Variants in JAKMIP1 observed in about 807,000 individuals in gnomAD.
JAKMIP1 encodes janus kinase and microtubule interacting protein 1, also known as janus kinase and microtubule-interacting protein 1.
Under a neutral mutation model 113.0 loss-of-function variants are expected in JAKMIP1, and 33 were observed. The observed-to-expected ratio is 0.29, with a 90% CI of 0.22 to 0.39. The LOEUF (loss-of-function observed/expected upper bound fraction) is 0.39, where lower values mean the gene tolerates loss of function less well. JAKMIP1 is among the 10% of genes least tolerant of loss of function. The pLI is 1.00. For missense variants in JAKMIP1, 813 were observed against 1,080.5 expected, an observed-to-expected ratio of 0.75 and a Z score of 3.47; for synonymous variants, 480 against 459.9, an observed-to-expected ratio of 1.04 and a Z score of -0.56.
Position 6,167,912 on chromosome 4 carries a change from G to A in JAKMIP1, c.-148+32341C>T, listed in dbSNP as rs996915405. The stretch of plus-strand genomic sequence containing the variant: ...CCAGTCAGGCTGACTGCGCCAGATC[G>A]CTGCACCAGTGAGACTTTGTCTCCC... On this transcript the variant is annotated intron_variant, in intron 1 of 20. Coordinates refer to ENST00000409021, the MANE Select transcript of JAKMIP1 (RefSeq NM_001099433.2). This position sits in a 1 kb window ranked among gnomAD's most constrained non-coding sequence, Gnocchi z 5.3. Among the ~76,000 whole-genome samples, 7 of 152,198 alleles carry A rather than the reference G, an allele frequency of 4.6e-5. No homozygotes were observed. Among genetic ancestry groups the A allele is most frequent in the Non-Finnish European group, 1.0e-4 (7 of 68,040 alleles).
Position 6,088,170 on chromosome 4 carries a change from C to T in JAKMIP1, c.625-2541G>A, listed in dbSNP as rs1021066720. On this transcript the variant is annotated intron_variant, in intron 3 of 20. Coordinates refer to ENST00000409021, the MANE Select transcript of JAKMIP1 (RefSeq NM_001099433.2). The surrounding 1 kb of genome is among the most constrained non-coding windows in gnomAD (Gnocchi z 5.5). ...ATTAGAGAGCAAAAGAGACCAGCCGCCCTGCCCTAGGGGCTTCTATTCTGC... is the reference window on the plus strand; with the variant it reads ...ATTAGAGAGCAAAAGAGACCAGCCGTCCTGCCCTAGGGGCTTCTATTCTGC... Among the ~76,000 whole-genome samples the T allele has an allele frequency of 6.6e-6, 1 of 152,212 alleles. No individual in the cohort carries two copies. Among genetic ancestry groups the T allele is most frequent in the African/African-American group, 2.4e-5 (1 of 41,450 alleles).
intron 3 of JAKMIP1, among the ~76,000 whole-genome samples, chr4:6,100,352 C>G (rs982203281): frequency 6.6e-6 from 1 of 152,176 alleles, no homozygotes; most frequent in African/African-American, 2.4e-5. Context: ...TTGTGTCTAG[C>G]TTCTATCATT....
rs1723739371 is a variant in JAKMIP1, at chr4:6,167,129, C to T, written c.-148+33124G>A. On this transcript the variant is annotated intron_variant, in intron 1 of 20. Coordinates refer to ENST00000409021, the MANE Select transcript of JAKMIP1 (RefSeq NM_001099433.2). This position sits in a 1 kb window ranked among gnomAD's most constrained non-coding sequence, Gnocchi z 5.3. ...TATTATTAAAATTCTTGAAATCCAT[C>T]GTCTTCCCCTAGACCTGCTCCTCCT... Among the ~76,000 whole-genome samples the T allele has an allele frequency of 2.0e-5, 3 of 152,116 alleles. No individual in the cohort carries two copies. Among genetic ancestry groups the T allele is most frequent in the East Asian group, 1.9e-4 (1 of 5,196 alleles).
chr4:6,148,651 G>A (rs1020899162), intron 1 of JAKMIP1, among the ~76,000 whole-genome samples: 1 of 152,246 alleles, frequency 6.6e-6, no homozygotes, highest in African/African-American at 2.4e-5. Flanking sequence ...GAGGATGCAG[G>A]CTGAGCCTGC....
At chr4:6,054,456 A>C (rs1169497589) in intron 12 of JAKMIP1, among the ~76,000 whole-genome samples, 1 of 152,230 alleles carries the variant, frequency 6.6e-6, no homozygotes, top group African/African-American at 2.4e-5. Flanking sequence ...AGACTGAGGC[A>C]TGAAGCTATG....
intron 1 of JAKMIP1, among the ~76,000 whole-genome samples, chr4:6,160,223 T>C (rs1295942120): frequency 6.6e-6 from 1 of 152,120 alleles, no homozygotes; most frequent in Non-Finnish European, 1.5e-5. Flanking sequence ...CAGGTGAAAG[T>C]CAAAATGTCA....
intron 1 of JAKMIP1, among the ~76,000 whole-genome samples, chr4:6,149,925 C>G (rs999774981): frequency 1.3e-5 from 2 of 152,188 alleles, no homozygotes; most frequent in Non-Finnish European, 2.9e-5. Context: ...CACCCTCCAG[C>G]TGGGCTTCTC....
In JAKMIP1 at chr4:6,194,184, G is replaced by A. The variant is rs566681149; in HGVS notation, c.-148+6069C>T. ...TGCCCATGGGCACAGGGTTTGTTCC[G>A]GAGGGAGGAAAATGTTTTGCAGCTA... On this transcript the variant is annotated intron_variant, in intron 1 of 20. Coordinates refer to ENST00000409021, the MANE Select transcript of JAKMIP1 (RefSeq NM_001099433.2). This position sits in a 1 kb window ranked among gnomAD's most constrained non-coding sequence, Gnocchi z 7.4. 7.9e-5 allele frequency among the ~76,000 whole-genome samples: 12 copies of A among 152,168 alleles called. No homozygotes were observed. Among genetic ancestry groups the A allele is most frequent in the African/African-American group, 2.4e-4 (10 of 41,520 alleles).
chr4:6,085,270 C>G, intron 4 of JAKMIP1, 150 bp downstream of exon 4: 1 of 797,628 alleles, frequency 1.3e-6, no homozygotes, highest in Non-Finnish European at 1.9e-6. Context: ...GCGTCCAGCA[C>G]AAAGAACTTA....
chr4:6,074,769 G>A (rs548180746), intron 8 of JAKMIP1, among the ~76,000 whole-genome samples: 11 of 152,276 alleles, frequency 7.2e-5, no homozygotes, highest in African/African-American at 1.7e-4. Flanking sequence ...ATACAACAAC[G>A]GTCCCATAAG....
rs373957051 is a variant in JAKMIP1 at position 6,196,687 on chromosome 4, T to G, written c.-148+3566A>C. 8.5e-5 allele frequency among the ~76,000 whole-genome samples: 13 copies of G among 152,194 alleles called. No homozygotes were observed. In the East Asian group the frequency reaches 1.9e-3, roughly 23 times the overall value. Reference sequence around the variant, plus strand: ...CAGCCTGGTTAACATGGTGAAACCCTGTCTCTACTAAAAATACAAAAAAAT... The same window carrying G: ...CAGCCTGGTTAACATGGTGAAACCCGGTCTCTACTAAAAATACAAAAAAAT... On this transcript the variant is annotated intron_variant, in intron 1 of 20. Transcript: ENST00000409021.
rs1717279804 is a variant in JAKMIP1, at chr4:6,061,518, CAG to C, written c.1560+792_1560+793del. ...TCCATCCATTTGTGGAATTCCCAAA[CAG>C]GGCTCTGAGAAAGAGCACAGGCCCT... On this transcript the variant is annotated intron_variant, in intron 10 of 20. Coordinates refer to ENST00000409021, the MANE Select transcript of JAKMIP1 (RefSeq NM_001099433.2). The surrounding 1 kb of genome is among the most constrained non-coding windows in gnomAD (Gnocchi z 5.3). Among the ~76,000 whole-genome samples the C allele has an allele frequency of 6.6e-6, 1 of 152,264 alleles. No homozygotes were observed. The highest frequency in any genetic ancestry group is 1.5e-5 in the Non-Finnish European group (1 of 68,052).
rs111985685 is a variant in JAKMIP1, at chr4:6,067,821, C to T, written c.1303-2813G>A. On this transcript the variant is annotated intron_variant, in intron 8 of 20. Transcript: ENST00000409021. This position sits in a 1 kb window ranked among gnomAD's most constrained non-coding sequence, Gnocchi z 4.6. ...ACGCAGGTCACCCCCCTGAGCTCCA[C>T]GTTCACTCAAGCTCTTCTGCACACG... is the stretch of plus-strand genomic sequence containing the variant. Among the ~76,000 whole-genome samples the T allele has an allele frequency of 7.4e-6, 1 of 134,488 alleles. No homozygotes were observed. Among genetic ancestry groups the T allele is most frequent in the Non-Finnish European group, 1.6e-5 (1 of 61,872 alleles). 88.2% of individuals were successfully genotyped at this position (134,488 alleles called of 152,430 possible). A position where few individuals can be genotyped will look rare whatever the true frequency, so the allele number is the denominator to read the frequency against.
At chr4:6,195,187 T>C (rs1321683118) in intron 1 of JAKMIP1, among the ~76,000 whole-genome samples, 1 of 152,212 alleles carries the variant, frequency 6.6e-6, no homozygotes, top group Non-Finnish European at 1.5e-5. Context: ...AACATAAGTC[T>C]GATGTCAAAG....
intron 2 of JAKMIP1, among the ~76,000 whole-genome samples, chr4:6,107,008 T>A (rs867684184): frequency 6.6e-5 from 10 of 152,234 alleles, no homozygotes; most frequent in Admixed American, 3.3e-4. Context: ...AATCCTTACT[T>A]AAAACAGCAG....
Position 6,105,791 on chromosome 4 carries a change from G to A in JAKMIP1, c.306C>T (p.Thr102=), listed in dbSNP as rs753031135. ...GCAGCTCGCCCTCCTTGATCTTGGC[G>A]GTGCGCGCCGCCTCCTGCTCGTGCT... ...IRQHEQEAAR[T]AKIKEGELQR... is the part of the protein sequence containing the mutation. The change falls in exon 3 of 21, where the codon ACC becomes ACT. Residue 102 remains threonine (T), a synonymous_variant. Coordinates refer to ENST00000409021, the MANE Select transcript of JAKMIP1 (RefSeq NM_001099433.2). The A allele has an allele frequency of 1.3e-5, 21 of 1,607,758 alleles. 1 individual carries two copies. The East Asian group carries it at 1.3e-4, about 10-fold the overall frequency.
intron 1 of JAKMIP1, among the ~76,000 whole-genome samples, chr4:6,147,912 C>T (rs1721050669): frequency 6.6e-6 from 1 of 152,262 alleles, no homozygotes; most frequent in Admixed American, 6.5e-5. Context: ...CATTGAGCCT[C>T]CCCTCTGTAT....
At chr4:6,111,603 C>T (rs182807405) in intron 2 of JAKMIP1, among the ~76,000 whole-genome samples, 16 of 152,336 alleles carry the variant, frequency 1.1e-4, no homozygotes, top group Admixed American at 1.0e-3. Context: ...GTTTCGGAGA[C>T]TTTTAGTCAC....
At chr4:6,164,603 A>G (rs951377537) in intron 1 of JAKMIP1, among the ~76,000 whole-genome samples, 2 of 152,186 alleles carry the variant, frequency 1.3e-5, no homozygotes, top group African/African-American at 4.8e-5. Context: ...TATCTGAGCA[A>G]AGTACATTGA....
Sources: allele counts gnomAD v4.1 joint callset (sites outside exome capture counted in the v4.1 genomes callset), GRCh38; gene constraint gnomAD v4.1.1; non-coding constraint Gnocchi (gnomAD v3.1); transcripts MANE v1.5; gene names NCBI Gene and HGNC (gene_info 2026-07-23, HGNC 2026-07-21).